Variants in GLIS3 observed in about 807,000 individuals in gnomAD.
GLIS3 encodes the protein GLIS family zinc finger 3.
Under a neutral mutation model 78.6 loss-of-function variants are expected in GLIS3, and 53 were observed. The observed-to-expected ratio is 0.67, with a 90% CI of 0.54 to 0.85. The LOEUF (loss-of-function observed/expected upper bound fraction) is 0.85. GLIS3 is among the 40% of genes least tolerant of loss of function. The pLI, the probability that GLIS3 is intolerant of heterozygous loss-of-function variation, is 0.00. For missense variants in GLIS3, 1,703 were observed against 1,231.1 expected (o/e 1.38, Z -5.74); for synonymous variants, 684 against 509.9 (o/e 1.34, Z -4.60).
At chr9:4,104,131 T>C (rs981782455) in intron 4 of GLIS3, among the ~76,000 whole-genome samples, 4 of 152,102 alleles carry the variant, frequency 2.6e-5, no homozygotes, top group African/African-American at 9.7e-5. Context: ...AAATAGGTGG[T>C]CCCAAAAATG....
intron 8 of GLIS3, among the ~76,000 whole-genome samples, chr9:3,862,756 C>T (rs1487334784): frequency 2.0e-5 from 3 of 152,114 alleles, no homozygotes; most frequent in African/African-American, 7.2e-5. Flanking sequence ...TTCTTTCCCT[C>T]CGCCCCCCGT....
chr9:4,219,445 G>C (rs192134010), intron 2 of GLIS3, among the ~76,000 whole-genome samples: 2 of 152,178 alleles, frequency 1.3e-5, no homozygotes, highest in South Asian at 4.1e-4. Context: ...ACTTAGTGTA[G>C]TATACAAATG....
At chr9:4,257,396 T>C (rs1217670511) in intron 2 of GLIS3, among the ~76,000 whole-genome samples, 1 of 151,850 alleles carries the variant, frequency 6.6e-6, no homozygotes, top group Admixed American at 6.6e-5. Flanking sequence ...AAGTCTAGAG[T>C]CTAACATACA....
At chr9:4,113,329 T>G (rs927904826) in intron 4 of GLIS3, among the ~76,000 whole-genome samples, 7 of 152,174 alleles carry the variant, frequency 4.6e-5, no homozygotes, top group Middle Eastern at 3.2e-3. Context: ...TGCCACCATA[T>G]ACAAAAGCTT....
At chr9:4,056,034 T>TACTAGG (rs1326602218) in intron 4 of GLIS3, among the ~76,000 whole-genome samples, 1 of 152,192 alleles carries the variant, frequency 6.6e-6, no homozygotes, top group Non-Finnish European at 1.5e-5. Context: ...GCGCAATTAA[T>TACTAGG]ACTAGGCCCT....
intron 4 of GLIS3, among the ~76,000 whole-genome samples, chr9:4,026,080 T>C (rs539983459): frequency 5.9e-5 from 9 of 152,310 alleles, no homozygotes; most frequent in South Asian, 2.1e-4. Flanking sequence ...CATTATTAAT[T>C]ATAAATAGTA....
At chr9:4,390,464 C>G in the GLIS3 span, among the ~76,000 whole-genome samples, 1 of 151,978 alleles carries the variant, frequency 6.6e-6, no homozygotes, top group Non-Finnish European at 1.5e-5. Context: ...CTTCTAAGCT[C>G]AAGTGATACT....
chr9:4,388,894 T>C, the GLIS3 span, among the ~76,000 whole-genome samples: 6 of 152,152 alleles, frequency 3.9e-5, no homozygotes, highest in African/African-American at 1.4e-4. Context: ...ACAGAAGAGA[T>C]GCTCCAGATC....
At chr9:4,264,962 C>A (rs536433758) in intron 2 of GLIS3, among the ~76,000 whole-genome samples, 4 of 151,580 alleles carry the variant, frequency 2.6e-5, no homozygotes, top group Admixed American at 2.0e-4. Flanking sequence ...GTCAGGAGAT[C>A]GAGACCATCC....
In GLIS3 at chr9:4,098,371, G is replaced by A. The variant is rs575087534; in HGVS notation, c.1710+19397C>T. Among the ~76,000 whole-genome samples, 3 of 152,276 alleles carry A rather than the reference G, an allele frequency of 2.0e-5. No individual in the cohort carries two copies. In the South Asian group the frequency reaches 6.2e-4, roughly 32 times the overall value. On this transcript the variant is annotated intron_variant, in intron 4 of 10. Transcript: ENST00000381971. ...GGGGCTGGAAATAATGAATGGAGGA[G>A]TAGAAGATGAATGATATAGAAGGGA...
intron 2 of GLIS3, among the ~76,000 whole-genome samples, chr9:4,196,770 G>A (rs1009445515): frequency 6.6e-6 from 1 of 152,184 alleles, no homozygotes; most frequent in Non-Finnish European, 1.5e-5. Flanking sequence ...CTTTAAGTCA[G>A]TGAGACCAAG....
intron 1 of GLIS3, among the ~76,000 whole-genome samples, chr9:4,296,731 CA>C (rs1816542285): frequency 6.6e-6 from 1 of 151,924 alleles, no homozygotes; most frequent in Non-Finnish European, 1.5e-5. Flanking sequence ...AAAGCAATTA[CA>C]AACTACCAAT....
intron 7 of GLIS3, among the ~76,000 whole-genome samples, chr9:3,892,628 A>G (rs1822539405): frequency 6.6e-6 from 1 of 152,184 alleles, no homozygotes; most frequent in African/African-American, 2.4e-5. Flanking sequence ...AAGTATAAAA[A>G]AGATGAAATT....
Position 3,974,453 on chromosome 9 carries a change from C to T in GLIS3, c.1711-37264G>A, listed in dbSNP as rs564386537. On this transcript the variant is annotated intron_variant, in intron 4 of 10. Coordinates refer to ENST00000381971, the MANE Select transcript of GLIS3 (RefSeq NM_001042413.2). ...TAAGTTCCATAAAGAAACTCTGTCC[C>T]CATTTGAAATCTCTATTGCTTAGTG... is the stretch of plus-strand genomic sequence containing the variant. Among the ~76,000 whole-genome samples the T allele has an allele frequency of 6.6e-5, 10 of 152,232 alleles. No homozygotes were observed. The East Asian group carries it at 1.9e-3, about 29-fold the overall frequency.
chr9:4,316,942 G>A (rs1411315356), intron 2 of GLIS3, among the ~76,000 whole-genome samples: 2 of 135,572 alleles, frequency 1.5e-5, no homozygotes, highest in East Asian at 2.1e-4. Flanking sequence ...TTAGCCGTTG[G>A]TAAAATTGGT....
At chr9:3,914,539 A>G (rs904462148) in intron 6 of GLIS3, among the ~76,000 whole-genome samples, 6 of 152,160 alleles carry the variant, frequency 3.9e-5, no homozygotes, top group African/African-American at 1.2e-4. Context: ...TCACATTTAT[A>G]TGTTGCCTCT....
At chr9:4,224,504 G>A (rs1821598807) in intron 2 of GLIS3, among the ~76,000 whole-genome samples, 1 of 152,228 alleles carries the variant, frequency 6.6e-6, no homozygotes, top group East Asian at 1.9e-4. Flanking sequence ...GAAGAGTTCT[G>A]TGCTTCACTA....
the GLIS3 span, among the ~76,000 whole-genome samples, chr9:4,408,521 G>T: frequency 8.4e-4 from 128 of 151,792 alleles, no homozygotes; most frequent in African/African-American, 3.1e-3. Context: ...AAGGTCAGGA[G>T]ATCGAGACCA....
chr9:4,018,946 C>G (rs902102693), intron 4 of GLIS3, among the ~76,000 whole-genome samples: 1 of 152,158 alleles, frequency 6.6e-6, no homozygotes, highest in Non-Finnish European at 1.5e-5. Flanking sequence ...GTATTTTACT[C>G]TGTGTGCCCC....
Sources: gnomAD v4.1 joint callset for allele counts (sites outside exome capture counted in the v4.1 genomes callset) on GRCh38, gnomAD v4.1.1 for gene constraint, MANE v1.5 for transcripts, NCBI Gene and HGNC (gene_info 2026-07-23, HGNC 2026-07-21) for gene names.